The following EPHA6 variants were observed in gnomAD, a reference collection of about 807,000 sequenced individuals.
EPHA6 encodes EPH receptor A6.
Under a neutral mutation model 112.0 loss-of-function variants are expected in EPHA6, and 50 were observed. That is an observed-to-expected ratio of 0.45 (90% confidence interval 0.36 to 0.56). The LOEUF (loss-of-function observed/expected upper bound fraction) is 0.56, where lower values mean the gene tolerates loss of function less well. Among genes scored for constraint, EPHA6 ranks in the 20% least tolerant of loss-of-function variants. EPHA6 has a pLI of 0.00. For synonymous variants in EPHA6, 529 were observed against 490.7 expected, an observed-to-expected ratio of 1.08 and a Z score of -1.03; for missense variants, 1,280 against 1,417.4, an observed-to-expected ratio of 0.90 and a Z score of 1.56.
intron 1 of EPHA6, among the ~76,000 whole-genome samples, chr3:96,829,944 C>CGCGT (rs1553713382): frequency 1.9e-5 from 2 of 106,644 alleles, no homozygotes; most frequent in African/African-American, 7.1e-5. Flanking sequence ...CATGTGCGCG[C>CGCGT]GCGCGCACAC....
At position 97,175,463 on chromosome 3, in the gene EPHA6, A is replaced by T. The variant is rs76139595; in HGVS notation, c.1115-50801A>T. Among the ~76,000 whole-genome samples, 72 of 151,844 alleles carry T rather than the reference A, an allele frequency of 4.7e-4. 5 individuals carry two copies. The East Asian group carries it at 0.014, about 29-fold the overall frequency. On this transcript the variant is annotated intron_variant, in intron 3 of 17. Transcript: ENST00000389672. ...GGTAGTTTGATAGGAATTGTGTTAG[A>T]TCTGTGGATTGTTTTGTGTAGTATG... is the stretch of plus-strand genomic sequence containing the variant.
chr3:97,002,198 T>C (rs1483213936), intron 3 of EPHA6, among the ~76,000 whole-genome samples: 1 of 151,812 alleles, frequency 6.6e-6, no homozygotes, highest in East Asian at 1.9e-4. Context: ...AATTGAAGAT[T>C]CTCTATTAAT....
At chr3:97,712,294 G>A (rs2034008606) in intron 14 of EPHA6, among the ~76,000 whole-genome samples, 1 of 152,148 alleles carries the variant, frequency 6.6e-6, no homozygotes, top group African/African-American at 2.4e-5. Context: ...GTTTAAAAAA[G>A]TGAGAGAGAG....
chr3:97,316,482 C>T (rs753444422), intron 5 of EPHA6, among the ~76,000 whole-genome samples: 2 of 151,928 alleles, frequency 1.3e-5, no homozygotes, highest in African/African-American at 2.4e-5. Context: ...GGGATTGCTG[C>T]GTTTTCTGAA....
intron 2 of EPHA6, among the ~76,000 whole-genome samples, chr3:96,874,853 G>A (rs1308606745): frequency 3.3e-5 from 5 of 152,172 alleles, no homozygotes; most frequent in Non-Finnish European, 5.9e-5. Context: ...CATGCAGAAG[G>A]GTTAGAGTAG....
intron 3 of EPHA6, among the ~76,000 whole-genome samples, chr3:97,177,159 T>G (rs2076858855): frequency 6.6e-6 from 1 of 152,000 alleles, no homozygotes; most frequent in African/African-American, 2.4e-5. Flanking sequence ...AGCATATAGT[T>G]TAATTTTCAT....
At chr3:97,138,696 G>C (rs368073471) in intron 3 of EPHA6, among the ~76,000 whole-genome samples, 1 of 152,308 alleles carries the variant, frequency 6.6e-6, no homozygotes. Flanking sequence ...ACCCTCCACT[G>C]TCCAAATACA....
At chr3:97,218,251 A>G (rs1421505898) in intron 3 of EPHA6, among the ~76,000 whole-genome samples, 1 of 151,980 alleles carries the variant, frequency 6.6e-6, no homozygotes, top group Admixed American at 6.6e-5. Context: ...AGCCTGGATG[A>G]AAGAGTGAGA....
intron 13 of EPHA6, among the ~76,000 whole-genome samples, chr3:97,619,997 T>C (rs766939419): frequency 2.9e-4 from 44 of 152,122 alleles, no homozygotes; most frequent in Admixed American, 4.6e-4. Flanking sequence ...GGAGGCATCA[T>C]GCTACTCAAC....
chr3:96,842,749 C>T (rs977386158), intron 1 of EPHA6, among the ~76,000 whole-genome samples: 15 of 151,988 alleles, frequency 9.9e-5, no homozygotes, highest in African/African-American at 3.4e-4. Flanking sequence ...TATTCATTTT[C>T]CATATAAGCA....
chr3:96,968,613 T>C (rs1275815024), intron 2 of EPHA6, among the ~76,000 whole-genome samples: 1 of 151,792 alleles, frequency 6.6e-6, no homozygotes, highest in African/African-American at 2.4e-5. Flanking sequence ...ATCCATATAA[T>C]GTATTTCAGA....
intron 3 of EPHA6, among the ~76,000 whole-genome samples, chr3:97,169,696 G>A (rs958314374): frequency 3.3e-5 from 5 of 152,056 alleles, no homozygotes; most frequent in African/African-American, 9.7e-5. Context: ...AGCCATTTAT[G>A]TATTGATTCT....
chr3:97,090,941 G>T (rs2047045987), intron 3 of EPHA6, among the ~76,000 whole-genome samples: 1 of 152,066 alleles, frequency 6.6e-6, no homozygotes, highest in Non-Finnish European at 1.5e-5. Context: ...GAATAAAAGA[G>T]TTAGATGTTT....
In EPHA6 at chr3:97,078,708, T is replaced by C. The variant is rs112634926; in HGVS notation, c.1114+90715T>C. Among the ~76,000 whole-genome samples the C allele has an allele frequency of 2.6e-3, 401 of 152,272 alleles. 2 individuals carry two copies. Among genetic ancestry groups the C allele is most frequent in the African/African-American group, 8.9e-3 (371 of 41,564 alleles). On this transcript the variant is annotated intron_variant, in intron 3 of 17. Coordinates refer to ENST00000389672, the MANE Select transcript of EPHA6 (RefSeq NM_001080448.3). ...TTGTCAAATATCAGATGGTTGTAGA[T>C]GTGTGGTGTTATTTCTGAGGCCTCT... is the stretch of plus-strand genomic sequence containing the variant.
chr3:97,570,517 G>A (rs2093322308), intron 11 of EPHA6, among the ~76,000 whole-genome samples: 1 of 152,144 alleles, frequency 6.6e-6, no homozygotes, highest in Non-Finnish European at 1.5e-5. Flanking sequence ...GGATCACGAG[G>A]TCGGGAGTTG....
chr3:97,303,673 G>A (rs770307451), intron 5 of EPHA6, among the ~76,000 whole-genome samples: 3 of 152,068 alleles, frequency 2.0e-5, no homozygotes, highest in South Asian at 4.1e-4. Flanking sequence ...AGAATTTCAA[G>A]TATGATAAAG....
At chr3:97,288,649 A>T (rs1017336147) in intron 5 of EPHA6, among the ~76,000 whole-genome samples, 2 of 152,166 alleles carry the variant, frequency 1.3e-5, no homozygotes, top group Non-Finnish European at 2.9e-5. Context: ...AGAAATCTCC[A>T]AATTTCTTTC....
At chr3:97,409,734 A>G (rs552622066) in intron 6 of EPHA6, among the ~76,000 whole-genome samples, 2 of 152,104 alleles carry the variant, frequency 1.3e-5, no homozygotes, top group African/African-American at 4.8e-5. Context: ...ACAGTTCATT[A>G]TTCTCACATC....
intron 10 of EPHA6, among the ~76,000 whole-genome samples, chr3:97,513,167 T>C (rs1443348378): frequency 6.6e-6 from 1 of 152,174 alleles, no homozygotes; most frequent in Non-Finnish European, 1.5e-5. Flanking sequence ...ACAAAATCCT[T>C]GTCCTCAAAA....
Sources: gnomAD v4.1 joint callset for allele counts (sites outside exome capture counted in the v4.1 genomes callset) on GRCh38, gnomAD v4.1.1 for gene constraint, MANE v1.5 for transcripts, NCBI Gene and HGNC (gene_info 2026-07-23, HGNC 2026-07-21) for gene names.